AMZ2: variants seen among roughly 807,000 people sequenced by gnomAD.
AMZ2 encodes archaelysin family metallopeptidase 2, also known as archaemetzincin-2.
A neutral mutation model predicts 36.7 loss-of-function variants in AMZ2; 26 were observed. That is an observed-to-expected ratio of 0.71 (90% CI 0.52 to 0.98). The LOEUF is 0.98. Among genes scored for constraint, AMZ2 ranks in the 50% least tolerant of loss-of-function variants. The pLI, the probability that AMZ2 is intolerant of heterozygous loss-of-function variation, is 0.00. For missense variants in AMZ2, 394 were observed against 430.5 expected, an observed-to-expected ratio of 0.92 and a Z score of 0.75; for synonymous variants, 144 against 149.1, an observed-to-expected ratio of 0.97 and a Z score of 0.25.
At chr17:68,253,967 G>A (rs60614600) in intron 4 of AMZ2, among the ~76,000 whole-genome samples, 10,362 of 151,946 alleles carry the variant, frequency 0.068, 1,144 homozygotes, top group African/African-American at 0.24. Flanking sequence ...CTGGTCTTGA[G>A]CTTCTGACAT....
chr17:68,233,803 C>T (rs1315570849), intron 1 of AMZ2, among the ~76,000 whole-genome samples: 1 of 152,018 alleles, frequency 6.6e-6, no homozygotes, highest in Admixed American at 6.5e-5. Flanking sequence ...CTTACTGCAG[C>T]CTCAACCTCC....
At chr17:68,248,749 C>T (rs1555737355) in intron 1 of AMZ2, 44 bp downstream of exon 1, 1 of 993,950 alleles carries the variant, frequency 1.0e-6, no homozygotes, top group East Asian at 1.0e-4. Flanking sequence ...ATATTTTGTC[C>T]TGTAGAAGTC....
intron 1 of AMZ2, among the ~76,000 whole-genome samples, chr17:68,222,782 C>T (rs2362731): frequency 0.35 from 53,687 of 151,998 alleles, 10,403 homozygotes; most frequent in African/African-American, 0.52. Flanking sequence ...CATGGTAATG[C>T]GAGCAATAAG....
chr17:68,230,997 C>T (rs9889429), intron 1 of AMZ2, among the ~76,000 whole-genome samples: 83,903 of 151,906 alleles, frequency 0.55, 24,442 homozygotes, highest in African/African-American at 0.75. Flanking sequence ...ATGCATCTAA[C>T]CTGTAGGGCA....
chr17:68,220,095 ATC>A (rs2073308478), intron 1 of AMZ2, among the ~76,000 whole-genome samples: 1 of 152,228 alleles, frequency 6.6e-6, no homozygotes, highest in Admixed American at 6.5e-5. Context: ...TGTTCAAAGA[ATC>A]TGAGACTTCA....
At chr17:68,208,712 C>G (rs1467537738) in intron 1 of AMZ2, among the ~76,000 whole-genome samples, 2 of 152,200 alleles carry the variant, frequency 1.3e-5, no homozygotes, top group African/African-American at 4.8e-5. Flanking sequence ...CCTTTACGAG[C>G]TGTAATACTC....
At chr17:68,221,209 TCCCCC>T (rs55937321) in intron 1 of AMZ2, among the ~76,000 whole-genome samples, 16 of 66,746 alleles carry the variant, frequency 2.4e-4, no homozygotes, top group East Asian at 5.3e-4. Context: ...AGCCCTCAGC[TCCCCC>T]CCCCGCCCCC....
chr17:68,257,021 T>C lies in AMZ2; in HGVS notation c.*52T>C. 4 of 1,570,308 alleles carry C rather than the reference T, an allele frequency of 2.5e-6. No homozygotes were observed. The highest frequency in any genetic ancestry group is 3.5e-6 in the Non-Finnish European group (4 of 1,151,600). ...TAAATAACTACTTGCATGTTATGCTTTCATTTGGGTGGAATACTTCATTGG... is the reference window on the plus strand; with the variant it reads ...TAAATAACTACTTGCATGTTATGCTCTCATTTGGGTGGAATACTTCATTGG... On this transcript the variant is annotated 3_prime_UTR_variant, in exon 7 of 7. Coordinates refer to ENST00000359904, the MANE Select transcript of AMZ2 (RefSeq NM_016627.5).
At chr17:68,216,846 T>C (rs8067476) in intron 1 of AMZ2, among the ~76,000 whole-genome samples, 75,169 of 151,792 alleles carry the variant, frequency 0.5, 21,473 homozygotes, top group African/African-American at 0.79. Context: ...CTGCCTAACA[T>C]GGTGAAATCC....
chr17:68,207,313 A>ACCCCCCCCC (rs10678271), intron 1 of AMZ2: 6 of 110,652 alleles, frequency 5.4e-5, no homozygotes, highest in South Asian at 3.1e-4. Flanking sequence ...TTTGTTAAAT[A>ACCCCCCCCC]CCCCCCCCCC....
chr17:68,220,847 A>G (rs1311267327), intron 1 of AMZ2, among the ~76,000 whole-genome samples: 1 of 139,952 alleles, frequency 7.1e-6, no homozygotes, highest in African/African-American at 2.7e-5. Context: ...CAGTGGTGCG[A>G]TCTCGGCTCA....
Position 68,208,153 on chromosome 17 carries a change from C to T in AMZ2, c.-67+1915C>T, listed in dbSNP as rs561205773. On this transcript the variant is annotated intron_variant, in intron 1 of 7. Coordinates refer to the AMZ2 transcript ENST00000674770. ...TCCCTGACGAGCACCGCCCCCTGCCCCACGGCGCCCAGTCCCATCGACCAC... is the reference window on the plus strand; with the variant it reads ...TCCCTGACGAGCACCGCCCCCTGCCTCACGGCGCCCAGTCCCATCGACCAC... Among the ~76,000 whole-genome samples the T allele has an allele frequency of 1.4e-4, 21 of 152,310 alleles. No homozygotes were observed. In the South Asian group the frequency reaches 4.1e-3, roughly 30 times the overall value.
chr17:68,230,755 T>G (rs755103561), intron 1 of AMZ2, among the ~76,000 whole-genome samples: 12 of 152,126 alleles, frequency 7.9e-5, no homozygotes, highest in Admixed American at 1.3e-4. Flanking sequence ...GCTTACCCCT[T>G]CCTCACCAAG....
At chr17:68,209,628 A>ATTTTTTTTT (rs1322446681) in intron 1 of AMZ2, among the ~76,000 whole-genome samples, 3 of 98,528 alleles carry the variant, frequency 3.0e-5, no homozygotes, top group African/African-American at 1.5e-4. Context: ...ATATATATAT[A>ATTTTTTTTT]TATATTTTTT....
chr17:68,256,838 G>A lies in AMZ2; in HGVS notation c.952G>A (p.Glu318Lys), dbSNP rs782022953. Residue 318 changes from glutamate (E) to lysine (K), a missense_variant, in exon 7 of 7, where the codon GAA becomes AAA. Physicochemically the swap from Glu to Lys is moderately conservative, Grantham distance 56. Transcript: ENST00000359904. Reference sequence around the variant, plus strand: ...GGCACTGGTGAGGTGGATTGATGATGAATCTTCTGACACACCTGGAGCAAC... The same window carrying A: ...GGCACTGGTGAGGTGGATTGATGATAAATCTTCTGACACACCTGGAGCAAC... ...YKALVRWIDD[E>K]SSDTPGATPE... 9 of 1,613,412 alleles carry A rather than the reference G, an allele frequency of 5.6e-6. No individual in the cohort carries two copies. The highest frequency in any genetic ancestry group is 8.5e-7 in the Non-Finnish European group (1 of 1,179,838).
At chr17:68,230,133 C>T (rs782757480) in intron 1 of AMZ2, among the ~76,000 whole-genome samples, 3 of 152,014 alleles carry the variant, frequency 2.0e-5, no homozygotes, top group East Asian at 3.8e-4. Flanking sequence ...AGTGCAGTGG[C>T]GTGATCTCGG....
chr17:68,220,499 C>T (rs1339705834), intron 1 of AMZ2, among the ~76,000 whole-genome samples: 1 of 146,340 alleles, frequency 6.8e-6, no homozygotes, highest in Non-Finnish European at 1.5e-5. Context: ...GGTATATACC[C>T]ATCAAGTATA....
In AMZ2 at chr17:68,253,716, G is replaced by A. The variant is rs112227015; in HGVS notation, c.587-688G>A. Among the ~76,000 whole-genome samples, 931 of 152,042 alleles carry A rather than the reference G, an allele frequency of 6.1e-3. 5 individuals carry two copies. Among genetic ancestry groups the A allele is most frequent in the African/African-American group, 0.021 (883 of 41,450 alleles). On this transcript the variant is annotated intron_variant, in intron 4 of 6. Coordinates refer to ENST00000359904, the MANE Select transcript of AMZ2 (RefSeq NM_016627.5). The stretch of plus-strand genomic sequence containing the variant: ...CACACGTGTAACAGATCTGTTTAGT[G>A]TGTCCTTAAATAGTGAAATCATGAC...
chr17:68,231,097 T>C (rs1299719697), intron 1 of AMZ2, among the ~76,000 whole-genome samples: 1 of 151,976 alleles, frequency 6.6e-6, no homozygotes. Context: ...CGGGTCTCCC[T>C]TTGTCGTCCA....
Sources: allele counts gnomAD v4.1 joint callset (sites outside exome capture counted in the v4.1 genomes callset), GRCh38; gene constraint gnomAD v4.1.1; transcripts MANE v1.5; gene names NCBI Gene and HGNC (gene_info 2026-07-23, HGNC 2026-07-21).